Variants in RASA3 observed in about 807,000 individuals in gnomAD.
RASA3 encodes the protein ras GTPase-activating protein 3.
A neutral mutation model predicts 110.0 loss-of-function variants in RASA3; 73 were observed. The observed-to-expected ratio is 0.66, with a 90% CI of 0.55 to 0.81. RASA3 has a LOEUF of 0.81. RASA3 is among the 30% of genes least tolerant of loss of function. The pLI is 0.00. For synonymous variants in RASA3, 500 were observed against 451.4 expected, an observed-to-expected ratio of 1.11 and a Z score of -1.37; for missense variants, 976 against 1,113.2, an observed-to-expected ratio of 0.88 and a Z score of 1.75.
intron 1 of RASA3, among the ~76,000 whole-genome samples, chr13:114,093,410 T>C (rs2079908770): frequency 6.6e-6 from 1 of 152,244 alleles, no homozygotes; most frequent in East Asian, 1.9e-4. Context: ...CTATAAGGTT[T>C]CTGCTGAGAA....
At position 114,008,849 on chromosome 13, in the gene RASA3, CGCGTTCCTG is replaced by C. The variant is rs1566470989; in HGVS notation, c.1668+529_1668+537del. On this transcript the variant is annotated intron_variant, in intron 17 of 23. Transcript: ENST00000334062. ...TGCGGTCTGGACGTTCCCCACGCAC[CGCGTTCCTG>C]ACTGTGGGGAGGAGCAGAGCCCTGT... Among the ~76,000 whole-genome samples, 7 of 46,294 alleles carry C rather than the reference CGCGTTCCTG, an allele frequency of 1.5e-4. 1 individual carries two copies. The highest frequency in any genetic ancestry group is 6.6e-4 in the Admixed American group (3 of 4,540). The allele number at this position is 46,294 out of a possible 152,430, so 30.4% of individuals were successfully genotyped here.
intron 4 of RASA3, among the ~76,000 whole-genome samples, chr13:114,038,027 CT>C (rs1445737313): frequency 6.6e-6 from 1 of 151,394 alleles, no homozygotes; most frequent in Non-Finnish European, 1.5e-5. Context: ...CTCCTGTGTA[CT>C]GTTTTGATGC....
At chr13:114,052,376 T>C (rs1248799297) in intron 2 of RASA3, among the ~76,000 whole-genome samples, 1 of 152,186 alleles carries the variant, frequency 6.6e-6, no homozygotes, top group East Asian at 1.9e-4. Flanking sequence ...TGAACTTCTG[T>C]ACTGGGCTGC....
intron 1 of RASA3, among the ~76,000 whole-genome samples, chr13:114,098,390 C>G (rs543758118): frequency 6.6e-6 from 1 of 152,270 alleles, no homozygotes; most frequent in East Asian, 1.9e-4. Flanking sequence ...GGCCTCACAC[C>G]AGCGACATCC....
At chr13:114,109,822 G>C (rs1041753047) in intron 1 of RASA3, among the ~76,000 whole-genome samples, 1 of 152,202 alleles carries the variant, frequency 6.6e-6, no homozygotes, top group Non-Finnish European at 1.5e-5. Flanking sequence ...CAGGCGACTG[G>C]GTCTCTTTGA....
intron 4 of RASA3, among the ~76,000 whole-genome samples, chr13:114,040,077 G>A (rs991746518): frequency 2.0e-5 from 3 of 152,232 alleles, no homozygotes; most frequent in African/African-American, 4.8e-5. Context: ...CCTCAATGAC[G>A]CGTGCCTGTC....
At chr13:114,034,472 G>A (rs756460028) in intron 4 of RASA3, among the ~76,000 whole-genome samples, 15 of 152,194 alleles carry the variant, frequency 9.9e-5, no homozygotes, top group Non-Finnish European at 1.8e-4. Context: ...GTGCTCTCCC[G>A]GCTCCTGGCC....
intron 18 of RASA3, among the ~76,000 whole-genome samples, chr13:114,003,766 CTAT>C (rs1207533456): frequency 4.6e-5 from 7 of 152,172 alleles, no homozygotes; most frequent in Admixed American, 1.3e-4. Context: ...ATTTTTCTAC[CTAT>C]TTAAAAAAGT....
At chr13:114,122,753 C>T (rs554167771) in intron 1 of RASA3, among the ~76,000 whole-genome samples, 33 of 151,366 alleles carry the variant, frequency 2.2e-4, no homozygotes, top group Non-Finnish European at 3.5e-4. Context: ...CGGTCGGCCC[C>T]GAGTGAGGGA....
At chr13:114,033,176 GC>G (rs2054208358) in intron 4 of RASA3, among the ~76,000 whole-genome samples, 1 of 25,556 alleles carries the variant, frequency 3.9e-5, no homozygotes, top group Non-Finnish European at 7.2e-5. Context: ...CTGACACCAC[GC>G]CCCACGGCAC....
At chr13:114,013,287 C>A (rs1329987340) in intron 14 of RASA3, 39 bp from the exon 15 acceptor site, 2 of 1,521,368 alleles carry the variant, frequency 1.3e-6, no homozygotes, top group Non-Finnish European at 1.8e-6. Context: ...TTTCCTCGGG[C>A]ACAATGGCCT....
chr13:114,116,773 CGT>C (rs1236692338), intron 1 of RASA3, among the ~76,000 whole-genome samples: 2 of 128,022 alleles, frequency 1.6e-5, no homozygotes, highest in Non-Finnish European at 3.2e-5. Flanking sequence ...GAGGGGTGCA[CGT>C]GTGTGAAGGG....
At chr13:114,025,762 A>G (rs2054014168) in intron 7 of RASA3, among the ~76,000 whole-genome samples, 1 of 152,260 alleles carries the variant, frequency 6.6e-6, no homozygotes, top group Non-Finnish European at 1.5e-5. Context: ...AGAAAATGGT[A>G]CAGACGCTGC....
At chr13:113,989,600 A>G (rs966784946) in intron 22 of RASA3, among the ~76,000 whole-genome samples, 3 of 124,972 alleles carry the variant, frequency 2.4e-5, no homozygotes, top group Non-Finnish European at 5.0e-5. Context: ...ACCCCAGTCC[A>G]TCCTCTCATC....
At chr13:114,077,689 C>T (rs1464121764) in intron 1 of RASA3, 25 of 322,326 alleles carry the variant, frequency 7.8e-5, no homozygotes, top group Admixed American at 1.3e-4. Context: ...TGCCCAGTTC[C>T]CCCGCACTGG....
At chr13:113,999,701 C>T (rs765693628) in intron 19 of RASA3, 34 bp from the exon 20 acceptor site, 6 of 1,581,594 alleles carry the variant, frequency 3.8e-6, no homozygotes, top group Admixed American at 3.4e-5. Flanking sequence ...TGGGTGCGGG[C>T]CCCGCTGTCC....
intron 5 of RASA3, among the ~76,000 whole-genome samples, chr13:114,028,206 G>A (rs922996325): frequency 8.9e-6 from 1 of 112,954 alleles, no homozygotes; most frequent in East Asian, 2.5e-4. Context: ...TCATCGGGGG[G>A]GCGGGGGGCA....
At chr13:114,013,826 CTCCG>C (rs1443125831) in intron 14 of RASA3, among the ~76,000 whole-genome samples, 9 of 147,908 alleles carry the variant, frequency 6.1e-5, no homozygotes, top group East Asian at 2.1e-4. Context: ...GTCTCTTTCT[CTCCG>C]TCTGTCTCTC....
chr13:114,017,868 C>T (rs1254107595), intron 11 of RASA3, among the ~76,000 whole-genome samples: 2 of 151,824 alleles, frequency 1.3e-5, no homozygotes, highest in Admixed American at 6.6e-5. Context: ...CCCCAGGAGC[C>T]GTTTCCCCTC....
Sources: gnomAD v4.1 joint callset for allele counts (sites outside exome capture counted in the v4.1 genomes callset) on GRCh38, gnomAD v4.1.1 for gene constraint, MANE v1.5 for transcripts, NCBI Gene and HGNC (gene_info 2026-07-23, HGNC 2026-07-21) for gene names.